Variants in LIMCH1 observed in about 807,000 individuals in gnomAD.
LIMCH1 encodes the protein LIM and calponin homology domains 1, also known as LIM and calponin homology domains-containing protein 1.
LIMCH1 carries 113 observed loss-of-function variants against 176.5 expected under a neutral mutation model. That is an observed-to-expected ratio of 0.64 (90% CI 0.55 to 0.75). LIMCH1 has a LOEUF of 0.75. Ranked by LOEUF, LIMCH1 falls within the 30% of genes least tolerant of loss-of-function variation. The pLI, the probability that LIMCH1 is intolerant of heterozygous loss-of-function variation, is 0.00. For synonymous variants in LIMCH1, 619 were observed against 645.9 expected (o/e 0.96, Z 0.63); for missense variants, 1,674 against 1,814.9 (o/e 0.92, Z 1.41).
Position 41,646,232 on chromosome 4 carries a change from G to A in LIMCH1, c.2363G>A (p.Ser788Asn), listed in dbSNP as rs936290710. The A allele has an allele frequency of 6.2e-7, 1 of 1,613,346 alleles. No individual in the cohort carries two copies. ...EKLLAGEDGT[S>N]ERRKSIKTYR... ...TTACTGGCTGGAGAAGATGGGACAAGTGAACGAAGGAAAAGCATCAAAACC... is the reference window on the plus strand; with the variant it reads ...TTACTGGCTGGAGAAGATGGGACAAATGAACGAAGGAAAAGCATCAAAACC... The change falls in exon 16 of 32, where the codon AGT becomes AAT. Residue 788 changes from serine (S) to asparagine (N), a missense_variant. By Grantham distance (46) the Ser-to-Asn change is conservative. This residue lies in a region of LIMCH1 where 1,015 missense variants were observed against 1,102.5 expected (regional missense o/e 0.92). Transcript: ENST00000503057.
intron 1 of LIMCH1, among the ~76,000 whole-genome samples, chr4:41,558,987 T>A (rs369299425): frequency 6.6e-6 from 1 of 152,158 alleles, no homozygotes; most frequent in South Asian, 2.1e-4. Context: ...GAGAAACACC[T>A]ACAGATTTTT....
At position 41,646,118 on chromosome 4, in the gene LIMCH1, G is replaced by T. The variant is rs201208230; in HGVS notation, c.2254-5G>T. The T allele has an allele frequency of 1.1e-4, 178 of 1,601,732 alleles. No individual in the cohort carries two copies. Among genetic ancestry groups the T allele is most frequent in the Non-Finnish European group, 1.4e-4 (163 of 1,176,930 alleles). On this transcript the variant is annotated splice_region_variant and splice_polypyrimidine_tract_variant and intron_variant, in intron 15 of 31. Coordinates refer to ENST00000503057, the MANE Select transcript of LIMCH1 (RefSeq NM_001330672.2). The stretch of plus-strand genomic sequence containing the variant: ...AAGAATATTATATCTTTCTTTCCCT[G>T]CCAGGACCTGGCTCGTTGGAAGAGT...
rs200771376 is a variant in LIMCH1 at position 41,619,417 on chromosome 4, G to A, written c.435G>A (p.Pro145=). ...AGAGCTGGAGTACCGCCACCTCCCC[G>A]CTGGGTGGGGAGAGGCCCTTCAGGT... is the stretch of plus-strand genomic sequence containing the variant. ...YRKSWSTATS[P]LGGERPFSFP... The change falls in exon 6 of 32, where the codon CCG becomes CCA. Residue 145 remains proline, a synonymous_variant. Transcript: ENST00000503057. The A allele has an allele frequency of 1.8e-5, 29 of 1,610,648 alleles. No individual in the cohort carries two copies. Among genetic ancestry groups the A allele is most frequent in the Non-Finnish European group, 2.1e-5 (25 of 1,180,000 alleles).
intron 18 of LIMCH1, among the ~76,000 whole-genome samples, chr4:41,660,859 AAGGAGTAAGAACCAGTGAG>A (rs931883888): frequency 2.7e-4 from 41 of 152,210 alleles, no homozygotes; most frequent in African/African-American, 9.9e-4. Flanking sequence ...TTTTGATGAA[AAGGAGTAAGAACCAGTGAG>A]AAAAGAGTAG....
At chr4:41,535,946 A>G (rs771607468), upstream of LIMCH1, among the ~76,000 whole-genome samples, 35 of 152,026 alleles carry the variant, frequency 2.3e-4, no homozygotes, top group Non-Finnish European at 4.6e-4. Context: ...GAAAGAAACC[A>G]CTTGTTCTCC....
intron 1 of LIMCH1, among the ~76,000 whole-genome samples, chr4:41,424,394 G>T (rs1411485625): frequency 6.6e-6 from 1 of 152,202 alleles, no homozygotes; most frequent in Non-Finnish European, 1.5e-5. Flanking sequence ...TGTTTTCACA[G>T]ATTCTTATTG....
intron 3 of LIMCH1, among the ~76,000 whole-genome samples, chr4:41,526,475 C>T (rs2076669049): frequency 6.6e-6 from 1 of 152,034 alleles, no homozygotes; most frequent in Admixed American, 6.5e-5. Context: ...TCAACATTTC[C>T]ACAAAAACCA....
chr4:41,692,180 T>C (rs1164137894), intron 30 of LIMCH1, 102 bp from the exon 31 acceptor site: 2 of 734,084 alleles, frequency 2.7e-6, no homozygotes, highest in Non-Finnish European at 4.9e-6. Context: ...AATGTGGTGA[T>C]TGTAGAAGGG....
chr4:41,600,588 T>G (rs1014517148), intron 2 of LIMCH1, among the ~76,000 whole-genome samples: 2 of 152,196 alleles, frequency 1.3e-5, no homozygotes, highest in Admixed American at 6.5e-5. Context: ...TCACCTTTAT[T>G]GCTTATCTAC....
chr4:41,534,698 A>C (rs915300603), upstream of LIMCH1, among the ~76,000 whole-genome samples: 1 of 148,354 alleles, frequency 6.7e-6, no homozygotes, highest in African/African-American at 2.5e-5. Context: ...AAATGAAGAC[A>C]TATTTTTTTT....
At chr4:41,624,524 CAAGT>C (rs2092807950) in intron 7 of LIMCH1, among the ~76,000 whole-genome samples, 1 of 147,432 alleles carries the variant, frequency 6.8e-6, no homozygotes, top group South Asian at 2.4e-4. Flanking sequence ...GGGCGGTGCA[CAAGT>C]AATTGCGGTT....
At position 41,632,869 on chromosome 4, in the gene LIMCH1, T is replaced by C; in HGVS notation, c.1720+2T>C. ...AGTGCCCGAGGGGGACAGAGGAAGG[T>C]GAGGAGCAGTGTTTCCTGCCTTCCC... On this transcript the variant is annotated splice_donor_variant, in intron 11 of 31. Transcript: ENST00000503057. LOFTEE classifies it high-confidence loss of function. 1 of 1,535,052 alleles carries C rather than the reference T, an allele frequency of 6.5e-7. No individual in the cohort carries two copies. Among genetic ancestry groups the C allele is most frequent in the Non-Finnish European group, 8.7e-7 (1 of 1,146,020 alleles).
chr4:41,509,499 G>T (rs1488364132), intron 2 of LIMCH1, among the ~76,000 whole-genome samples: 2 of 152,142 alleles, frequency 1.3e-5, no homozygotes, highest in East Asian at 1.9e-4. Flanking sequence ...TTGTCCTTCT[G>T]CCAAATCACA....
At chr4:41,381,001 A>G (rs2055578562) in intron 1 of LIMCH1, among the ~76,000 whole-genome samples, 1 of 152,200 alleles carries the variant, frequency 6.6e-6, no homozygotes, top group Non-Finnish European at 1.5e-5. Context: ...TCATATCACA[A>G]TCAGTTATTC....
intron 31 of LIMCH1, among the ~76,000 whole-genome samples, chr4:41,694,956 AT>A (rs1328293671): frequency 1.3e-5 from 2 of 151,944 alleles, no homozygotes; most frequent in Non-Finnish European, 2.9e-5. Flanking sequence ...AAAAAATCTC[AT>A]TGCTTTGATC....
At chr4:41,641,026 C>T (rs1277017792) in intron 14 of LIMCH1, among the ~76,000 whole-genome samples, 1 of 152,154 alleles carries the variant, frequency 6.6e-6, no homozygotes, top group Non-Finnish European at 1.5e-5. Flanking sequence ...CCATTTTATT[C>T]TGAATTCCTT....
At chr4:41,588,801 T>A (rs1334228797) in intron 1 of LIMCH1, among the ~76,000 whole-genome samples, 1 of 152,164 alleles carries the variant, frequency 6.6e-6, no homozygotes, top group Admixed American at 6.5e-5. Flanking sequence ...AGAGCCTGTC[T>A]TCGTGGAACG....
Position 41,518,252 on chromosome 4 carries a change from A to T in LIMCH1, c.168-6157A>T, listed in dbSNP as rs78729903. The stretch of plus-strand genomic sequence containing the variant: ...CATTGCTATAATTCCTAACGTCTAG[A>T]TGGTCTCATAAGGTACCATTTTGTA... On this transcript the variant is annotated intron_variant, in intron 2 of 26. Coordinates refer to the LIMCH1 transcript ENST00000313860. Among the ~76,000 whole-genome samples, 852 of 152,236 alleles carry T rather than the reference A, an allele frequency of 5.6e-3. 27 individuals are homozygous for T. The highest frequency in any genetic ancestry group is 0.055 in the East Asian group (284 of 5,166).
intron 1 of LIMCH1, among the ~76,000 whole-genome samples, chr4:41,443,377 G>T (rs1245888397): frequency 1.3e-5 from 2 of 151,932 alleles, no homozygotes; most frequent in Admixed American, 6.6e-5. Flanking sequence ...TTCCTGAATC[G>T]TTGTTGAATT....
Sources: gnomAD v4.1 joint callset for allele counts (sites outside exome capture counted in the v4.1 genomes callset) on GRCh38, gnomAD v4.1.1 for gene constraint, gnomAD v4.1.1 regional missense constraint, MANE v1.5 for transcripts, NCBI Gene and HGNC (gene_info 2026-07-23, HGNC 2026-07-21) for gene names.